DCAF10: variants seen among roughly 807,000 people sequenced by gnomAD.
DCAF10 encodes the protein DDB1- and CUL4-associated factor 10.
Under a neutral mutation model 51.9 loss-of-function variants are expected in DCAF10, and 19 were observed. The ratio of observed to expected loss-of-function variants is 0.37; its 90% CI spans 0.26 to 0.54. DCAF10 has a LOEUF of 0.54. DCAF10 is among the 20% of genes least tolerant of loss of function. The pLI is 0.87. For missense variants in DCAF10, 510 were observed against 730.6 expected (o/e 0.70, Z 3.48); for synonymous variants, 291 against 297.1 (o/e 0.98, Z 0.21).
rs545522820 is a variant in DCAF10, at chr9:37,853,472, G to T, written c.852-1308G>T. On this transcript the variant is annotated intron_variant, in intron 3 of 6. Transcript: ENST00000377724. The stretch of plus-strand genomic sequence containing the variant: ...CTTCAGAAAGAAAGGATCAAAAAAG[G>T]AATTTTGGAGATGAACGAAGGAATG... Among the ~76,000 whole-genome samples the T allele has an allele frequency of 2.0e-3, 295 of 151,228 alleles. 2 individuals are homozygous for T. Among genetic ancestry groups the T allele is most frequent in the South Asian group, 9.8e-3 (47 of 4,800 alleles).
At chr9:37,804,253 T>C (rs1829043719) in intron 1 of DCAF10, among the ~76,000 whole-genome samples, 1 of 121,196 alleles carries the variant, frequency 8.3e-6, no homozygotes, top group Non-Finnish European at 1.8e-5. Context: ...CTAAAGAAAA[T>C]AGTCCCAGTT....
chr9:37,833,800 A>G lies in DCAF10; in HGVS notation c.654-8289A>G, dbSNP rs543214545. On this transcript the variant is annotated intron_variant, in intron 2 of 6. Coordinates refer to ENST00000377724, the MANE Select transcript of DCAF10 (RefSeq NM_024345.5). ...TTAAGCTAGACTGAGTTTTGAGAGG[A>G]CTAGGCCCACATATCGAAGGATTTG... Among the ~76,000 whole-genome samples, 4 of 152,308 alleles carry G rather than the reference A, an allele frequency of 2.6e-5. No individual in the cohort carries two copies. The South Asian group carries it at 8.3e-4, about 32-fold the overall frequency.
chr9:37,848,582 A>G (rs1329027025), intron 3 of DCAF10, among the ~76,000 whole-genome samples: 1 of 152,192 alleles, frequency 6.6e-6, no homozygotes, highest in East Asian at 1.9e-4. Context: ...ACAGAAAGTG[A>G]TTGCTAATGG....
At chr9:37,802,846 A>G (rs941185325) in intron 1 of DCAF10, among the ~76,000 whole-genome samples, 1 of 152,202 alleles carries the variant, frequency 6.6e-6, no homozygotes, top group Non-Finnish European at 1.5e-5. Flanking sequence ...GCCAAGCCCT[A>G]TTCCTAAAGT....
At position 37,865,242 on chromosome 9, in the gene DCAF10, A is replaced by C. The variant is rs1243100003; in HGVS notation, c.*3734A>C. On this transcript the variant is annotated 3_prime_UTR_variant, in exon 7 of 7. Coordinates refer to ENST00000377724, the MANE Select transcript of DCAF10 (RefSeq NM_024345.5). ...AAGCAGCTATAAAATAGAAAAGAAAAATTAAGGATAAACGGCATTGTGAAA... is the reference window on the plus strand; with the variant it reads ...AAGCAGCTATAAAATAGAAAAGAAACATTAAGGATAAACGGCATTGTGAAA... The C allele has an allele frequency of 6.6e-6, 1 of 152,144 alleles. No individual in the cohort carries two copies. The highest frequency in any genetic ancestry group is 1.5e-5 in the Non-Finnish European group (1 of 68,022). The allele number at this position is 152,144 out of a possible 1,614,324, so 9.4% of individuals were successfully genotyped here.
intron 3 of DCAF10, among the ~76,000 whole-genome samples, chr9:37,845,102 C>T (rs1309900460): frequency 2.0e-5 from 3 of 152,118 alleles, no homozygotes; most frequent in African/African-American, 7.2e-5. Flanking sequence ...GACTTATAAA[C>T]TCACTTTTAA....
chr9:37,825,515 T>C (rs957278513), intron 2 of DCAF10, among the ~76,000 whole-genome samples: 3 of 152,138 alleles, frequency 2.0e-5, no homozygotes, highest in African/African-American at 7.2e-5. Context: ...AAGTGGGAGC[T>C]AGATGATGAG....
chr9:37,837,457 CA>C (rs555983041), intron 2 of DCAF10, among the ~76,000 whole-genome samples: 406 of 85,662 alleles, frequency 4.7e-3, no homozygotes, highest in African/African-American at 0.012. Context: ...GACTCCATCT[CA>C]AAAAAAAAAA....
At chr9:37,817,153 C>T (rs1182543139) in intron 1 of DCAF10, among the ~76,000 whole-genome samples, 1 of 152,012 alleles carries the variant, frequency 6.6e-6, no homozygotes, top group South Asian at 2.1e-4. Context: ...AATTGTGTAC[C>T]AGCAATAAAC....
At chr9:37,805,069 G>C (rs1298785280) in intron 1 of DCAF10, among the ~76,000 whole-genome samples, 1 of 152,206 alleles carries the variant, frequency 6.6e-6, no homozygotes, top group Non-Finnish European at 1.5e-5. Flanking sequence ...CGGAAGGTCT[G>C]AGAAGCTAGA....
chr9:37,839,207 C>T (rs928650466), intron 2 of DCAF10, among the ~76,000 whole-genome samples: 6 of 151,718 alleles, frequency 4.0e-5, no homozygotes, highest in Admixed American at 1.3e-4. Flanking sequence ...TACAGGCGCC[C>T]GCCACCATGC....
At chr9:37,820,324 C>T (rs375360093) in intron 2 of DCAF10, among the ~76,000 whole-genome samples, 3 of 152,130 alleles carry the variant, frequency 2.0e-5, no homozygotes, top group Non-Finnish European at 4.4e-5. Flanking sequence ...GGGGCTGAAA[C>T]CACAGACCAG....
chr9:37,816,129 T>C (rs1390899429), intron 1 of DCAF10, among the ~76,000 whole-genome samples: 1 of 151,370 alleles, frequency 6.6e-6, no homozygotes, highest in African/African-American at 2.4e-5. Context: ...TATTCAAATA[T>C]AAAAAAAAAT....
rs59469290 is a variant in DCAF10, at chr9:37,852,930, TTA to T, written c.852-1815_852-1814del. On this transcript the variant is annotated intron_variant, in intron 3 of 6. Coordinates refer to ENST00000377724, the MANE Select transcript of DCAF10 (RefSeq NM_024345.5). ...CATCATAAATGTTAAGTATGTGAGG[TTA>T]TATATATATATATATATATATATAT... is the stretch of plus-strand genomic sequence containing the variant. Among the ~76,000 whole-genome samples, 475 of 109,768 alleles carry T rather than the reference TTA, an allele frequency of 4.3e-3. 4 individuals carry two copies. The highest frequency in any genetic ancestry group is 0.022 in the East Asian group (52 of 2,320). 72.0% of individuals were successfully genotyped at this position (109,768 alleles called of 152,430 possible).
In DCAF10 at chr9:37,801,242, T is replaced by C. The variant is rs1828929067; in HGVS notation, c.376T>C (p.Trp126Arg). 2 of 1,581,976 alleles carry C rather than the reference T, an allele frequency of 1.3e-6. No homozygotes were observed. The highest frequency in any genetic ancestry group is 8.6e-7 in the Non-Finnish European group (1 of 1,167,248). ...LGGPGARLFG[W>R]LKERSLGRGL... ...CGGCCCTGGCGCTAGGCTGTTCGGGTGGCTGAAAGAGCGCAGCCTGGGCCG... is the reference window on the plus strand; with the variant it reads ...CGGCCCTGGCGCTAGGCTGTTCGGGCGGCTGAAAGAGCGCAGCCTGGGCCG... Residue 126 changes from tryptophan (W) to arginine (R), a missense_variant, in exon 1 of 7, where the codon TGG (tryptophan) becomes CGG (arginine). Trp to Arg is a moderately radical substitution (Grantham distance 101, BLOSUM62 -3). Coordinates refer to ENST00000377724, the MANE Select transcript of DCAF10 (RefSeq NM_024345.5). This position sits in a 1 kb window ranked among gnomAD's most constrained non-coding sequence, Gnocchi z 5.5.
At chr9:37,800,669 C>T, upstream of DCAF10, 1 of 1,535,984 alleles carries the variant, frequency 6.5e-7, no homozygotes, top group Non-Finnish European at 8.7e-7. Context: ...CTCCCTACCT[C>T]CGTTCCCGGG....
intron 3 of DCAF10, among the ~76,000 whole-genome samples, chr9:37,844,029 A>G (rs1428794907): frequency 6.6e-5 from 10 of 152,238 alleles, no homozygotes; most frequent in Non-Finnish European, 1.5e-5. Flanking sequence ...ATAAAGTTTA[A>G]GACAAAAAGC....
chr9:37,850,454 G>A (rs774544933), intron 3 of DCAF10, among the ~76,000 whole-genome samples: 44 of 152,078 alleles, frequency 2.9e-4, no homozygotes, highest in Non-Finnish European at 6.0e-4. Flanking sequence ...CCTTAAGAAA[G>A]AAGGAAATTT....
At position 37,842,002 on chromosome 9, in the gene DCAF10, C is replaced by T. The variant is rs567154623; in HGVS notation, c.654-87C>T. The T allele has an allele frequency of 5.6e-5, 70 of 1,245,476 alleles. No homozygotes were observed. The East Asian group carries it at 1.6e-3, about 29-fold the overall frequency. The allele number at this position is 1,245,476 out of a possible 1,614,324, so 77.2% of individuals were successfully genotyped here. On this transcript the variant is annotated intron_variant, in intron 2 of 6. Transcript: ENST00000377724. ...AGTCCTTTTTTTCTTTCTTTCTTGA[C>T]TAGGTAATATAGTGACTGTTTCTCA... is the stretch of plus-strand genomic sequence containing the variant.
Sources: allele counts gnomAD v4.1 joint callset (sites outside exome capture counted in the v4.1 genomes callset), GRCh38; gene constraint gnomAD v4.1.1; non-coding constraint Gnocchi (gnomAD v3.1); transcripts MANE v1.5; gene names NCBI Gene and HGNC (gene_info 2026-07-23, HGNC 2026-07-21).